The following INPP5D variants were observed in gnomAD, a reference collection of about 807,000 sequenced individuals.
INPP5D encodes inositol polyphosphate-5-phosphatase D.
Under a neutral mutation model 122.9 loss-of-function variants are expected in INPP5D, and 33 were observed. The observed-to-expected ratio is 0.27, with a 90% CI of 0.20 to 0.36. The LOEUF (loss-of-function observed/expected upper bound fraction) is 0.36. INPP5D is among the 10% of genes least tolerant of loss of function. The pLI is 1.00. For synonymous variants in INPP5D, 584 were observed against 576.2 expected (o/e 1.01, Z -0.19); for missense variants, 1,053 against 1,412.7 (o/e 0.75, Z 4.08).
Position 233,183,981 on chromosome 2 carries a change from A to C in INPP5D, c.2162-427A>C, listed in dbSNP as rs1694844938. Among the ~76,000 whole-genome samples, 1 of 152,204 alleles carries C rather than the reference A, an allele frequency of 6.6e-6. No homozygotes were observed. Among genetic ancestry groups the C allele is most frequent in the Non-Finnish European group, 1.5e-5 (1 of 68,032 alleles). On this transcript the variant is annotated intron_variant, in intron 19 of 26. Coordinates refer to ENST00000445964, the MANE Select transcript of INPP5D (RefSeq NM_001017915.3). The surrounding 1 kb of genome is among the most constrained non-coding windows in gnomAD (Gnocchi z 4.6). ...GAGTCCAGAGGAAGGAGTGGGGATA[A>C]CTGTGCCTAAGGGAGAGAGAGCTGC...
chr2:233,101,573 A>G (rs1419713596), intron 2 of INPP5D, among the ~76,000 whole-genome samples: 1 of 147,096 alleles, frequency 6.8e-6, no homozygotes, highest in African/African-American at 2.5e-5. Context: ...CATATATGTC[A>G]TATAACATTA....
chr2:233,065,350 A>C (rs139757925), intron 1 of INPP5D, among the ~76,000 whole-genome samples: 8,766 of 119,574 alleles, frequency 0.073, 940 homozygotes, highest in African/African-American at 0.25. Flanking sequence ...CTCTGTCGCC[A>C]AGGCTGGAGT....
intron 6 of INPP5D, chr2:233,141,600 AAAAG>A (rs1483509019): frequency 6.6e-6 from 1 of 152,236 alleles, no homozygotes; most frequent in Non-Finnish European, 1.5e-5. Flanking sequence ...GAAAAAGAAA[AAAAG>A]AAAATCACAT....
intron 5 of INPP5D, chr2:233,134,075 T>C: frequency 2.2e-6 from 1 of 453,694 alleles, no homozygotes; most frequent in Non-Finnish European, 4.4e-6. Flanking sequence ...GGAAGATGAA[T>C]CTAGGGTGAC....
intron 6 of INPP5D, chr2:233,140,160 G>T: frequency 6.3e-6 from 2 of 318,214 alleles, no homozygotes; most frequent in East Asian, 4.8e-5. Context: ...TTCAAATTAT[G>T]CACTCATCAG....
rs556712771 is a variant in INPP5D at position 233,128,178 on chromosome 2, T to C, written c.524+2259T>C. Reference sequence around the variant, plus strand: ...AACTGTGCACTTGAGGGATCTAGGCTGCACGCCTCTTAGGAGAATCTAACT... The same window carrying C: ...AACTGTGCACTTGAGGGATCTAGGCCGCACGCCTCTTAGGAGAATCTAACT... On this transcript the variant is annotated intron_variant, in intron 4 of 26. Transcript: ENST00000445964. The surrounding 1 kb of genome is among the most constrained non-coding windows in gnomAD (Gnocchi z 4.5). 2.5e-3 allele frequency among the ~76,000 whole-genome samples: 387 copies of C among 152,256 alleles called. 2 individuals carry two copies. The highest frequency in any genetic ancestry group is 8.8e-3 in the African/African-American group (367 of 41,542).
At chr2:233,168,959 A>AGGGAGAT in intron 13 of INPP5D, 1 of 266,408 alleles carries the variant, frequency 3.8e-6, no homozygotes, top group South Asian at 4.8e-5. Flanking sequence ...GTTCACTGGG[A>AGGGAGAT]GGGAGATCAG....
intron 2 of INPP5D, among the ~76,000 whole-genome samples, chr2:233,096,805 G>T (rs949019867): frequency 3.3e-5 from 5 of 150,908 alleles, no homozygotes; most frequent in African/African-American, 1.2e-4. Context: ...TATTAATTTT[G>T]GGGGTAAGTT....
rs749510803 is a variant in INPP5D at position 233,138,303 on chromosome 2, TAAA to T, written c.666-1520_666-1518del. On this transcript the variant is annotated intron_variant, in intron 5 of 26. Coordinates refer to ENST00000445964, the MANE Select transcript of INPP5D (RefSeq NM_001017915.3). ...GCCTGGGCCACAGAGTAAGATTGTC[TAAA>T]AAAAAAAAAAAAAAAAAAGCAAAGC... Among the ~76,000 whole-genome samples the T allele has an allele frequency of 5.1e-3, 529 of 103,658 alleles. 4 individuals are homozygous for T. Among genetic ancestry groups the T allele is most frequent in the African/African-American group, 0.021 (466 of 22,478 alleles). The allele number at this position is 103,658 out of a possible 152,430, so 68.0% of individuals were successfully genotyped here.
intron 2 of INPP5D, among the ~76,000 whole-genome samples, chr2:233,098,540 A>C (rs6437097): frequency 0.7 from 107,129 of 152,088 alleles, 37,940 homozygotes; most frequent in Middle Eastern, 0.8. Flanking sequence ...CCTCCTATAA[A>C]ATCCACTCCT....
At chr2:233,121,859 A>G (rs1295983533) in intron 2 of INPP5D, among the ~76,000 whole-genome samples, 1 of 152,156 alleles carries the variant, frequency 6.6e-6, no homozygotes, top group African/African-American at 2.4e-5. Context: ...GTTTTTTAAA[A>G]ACGGAAAGAA....
chr2:233,099,400 C>T (rs1005767686), intron 2 of INPP5D, among the ~76,000 whole-genome samples: 1 of 152,218 alleles, frequency 6.6e-6, no homozygotes, highest in Non-Finnish European at 1.5e-5. Context: ...CATTGGAAGG[C>T]CTGCCTCCTG....
intron 17 of INPP5D, among the ~76,000 whole-genome samples, chr2:233,176,441 A>G: frequency 7.1e-6 from 1 of 140,582 alleles, no homozygotes; most frequent in African/African-American, 2.6e-5. Flanking sequence ...GGATGGATGG[A>G]TGGATGGGTG....
At chr2:233,087,130 G>A (rs367563399) in intron 2 of INPP5D, among the ~76,000 whole-genome samples, 4 of 152,154 alleles carry the variant, frequency 2.6e-5, no homozygotes, top group African/African-American at 9.6e-5. Context: ...CAGCTTCCGG[G>A]TCTAATTGTG....
intron 6 of INPP5D, among the ~76,000 whole-genome samples, chr2:233,145,633 A>G (rs1371542715): frequency 6.6e-6 from 1 of 152,006 alleles, no homozygotes; most frequent in Non-Finnish European, 1.5e-5. Flanking sequence ...GATTCCTCAG[A>G]AGGGAAGCTC....
chr2:233,157,913 A>G (rs1394886132), intron 9 of INPP5D, among the ~76,000 whole-genome samples: 1 of 152,154 alleles, frequency 6.6e-6, no homozygotes, highest in Non-Finnish European at 1.5e-5. Context: ...TGTTGATGAC[A>G]GTAAAATGTA....
intron 1 of INPP5D, among the ~76,000 whole-genome samples, chr2:233,062,516 C>T (rs537887145): frequency 1.4e-4 from 22 of 152,338 alleles, no homozygotes; most frequent in African/African-American, 5.3e-4. Flanking sequence ...GTATTCCTTC[C>T]TCTACCTCTT....
At chr2:233,118,490 C>A (rs1434254857) in intron 2 of INPP5D, among the ~76,000 whole-genome samples, 1 of 152,208 alleles carries the variant, frequency 6.6e-6, no homozygotes, top group Non-Finnish European at 1.5e-5. Flanking sequence ...CTAGAATGTG[C>A]TTTGAACGTA....
At chr2:233,174,272 G>A (rs961413645) in intron 17 of INPP5D, among the ~76,000 whole-genome samples, 1 of 152,268 alleles carries the variant, frequency 6.6e-6, no homozygotes, top group African/African-American at 2.4e-5. Context: ...AGCTGGCAGT[G>A]CAGTGGGCTG....
Sources: gnomAD v4.1 joint callset for allele counts (sites outside exome capture counted in the v4.1 genomes callset) on GRCh38, gnomAD v4.1.1 for gene constraint, Gnocchi (gnomAD v3.1) non-coding constraint, MANE v1.5 for transcripts, NCBI Gene and HGNC (gene_info 2026-07-23, HGNC 2026-07-21) for gene names.